PDE4B: variants seen among roughly 807,000 people sequenced by gnomAD.
The protein encoded by PDE4B is phosphodiesterase 4B.
In PDE4B, 20 loss-of-function variants were observed where a neutral mutation model predicts 82.2. The ratio of observed to expected loss-of-function variants is 0.24; its 90% CI spans 0.17 to 0.35. PDE4B has a LOEUF of 0.35. Ranked by LOEUF, PDE4B falls within the 10% of genes least tolerant of loss-of-function variation. PDE4B has a pLI of 1.00. For missense variants in PDE4B, 655 were observed against 907.2 expected (o/e 0.72, Z 3.57); for synonymous variants, 320 against 318.9 (o/e 1.00, Z -0.04).
chr1:66,356,743 C>G (rs1662279291), intron 9 of PDE4B, among the ~76,000 whole-genome samples: 1 of 152,222 alleles, frequency 6.6e-6, no homozygotes, highest in African/African-American at 2.4e-5. Flanking sequence ...CAGCCTCATA[C>G]AGAGCTTACT....
At chr1:66,275,983 C>T (rs918941703) in intron 7 of PDE4B, among the ~76,000 whole-genome samples, 1 of 152,106 alleles carries the variant, frequency 6.6e-6, no homozygotes, top group Non-Finnish European at 1.5e-5. Context: ...GGCGATTATC[C>T]AGCTTATTTG....
intron 3 of PDE4B, among the ~76,000 whole-genome samples, chr1:66,083,052 T>C (rs1656822223): frequency 6.6e-6 from 1 of 152,162 alleles, no homozygotes; most frequent in Non-Finnish European, 1.5e-5. Flanking sequence ...TTTGCAGTCT[T>C]CTGCCGCCTC....
chr1:66,276,581 G>A (rs558233548), intron 7 of PDE4B, among the ~76,000 whole-genome samples: 11 of 152,176 alleles, frequency 7.2e-5, no homozygotes, highest in Admixed American at 2.0e-4. Context: ...CCATTTTATT[G>A]TAAGTAGTAA....
In PDE4B at chr1:66,373,956, A is replaced by T. The variant is rs2050876593; in HGVS notation, c.*1278A>T. On this transcript the variant is annotated 3_prime_UTR_variant, in exon 17 of 17. Transcript: ENST00000341517. ...AAACAATATTCTCACATTAGATACTAAATGGTTTATACTGAGCTTTTACTT... is the reference window on the plus strand; with the variant it reads ...AAACAATATTCTCACATTAGATACTTAATGGTTTATACTGAGCTTTTACTT... 2 of 152,652 alleles carry T rather than the reference A, an allele frequency of 1.3e-5. No individual in the cohort carries two copies. Among genetic ancestry groups the T allele is most frequent in the Admixed American group, 1.3e-4 (2 of 15,282 alleles). The allele number at this position is 152,652 out of a possible 1,614,324, so 9.5% of individuals were successfully genotyped here.
At position 66,302,286 on chromosome 1, in the gene PDE4B, T is replaced by C. The variant is rs538213772; in HGVS notation, c.635-30222T>C. Among the ~76,000 whole-genome samples, 5 of 152,238 alleles carry C rather than the reference T, an allele frequency of 3.3e-5. No individual in the cohort carries two copies. The South Asian group carries it at 8.3e-4, about 25-fold the overall frequency. Reference sequence around the variant, plus strand: ...ACTCTTCCCTGCACTAATTTCCACATTTATAAAAAAGAACCACAGATGTGT... The same window carrying C: ...ACTCTTCCCTGCACTAATTTCCACACTTATAAAAAAGAACCACAGATGTGT... On this transcript the variant is annotated intron_variant, in intron 7 of 16. Coordinates refer to ENST00000341517, the MANE Select transcript of PDE4B (RefSeq NM_002600.4).
intron 3 of PDE4B, among the ~76,000 whole-genome samples, chr1:65,965,881 A>G (rs913088539): frequency 4.6e-5 from 7 of 152,190 alleles, no homozygotes; most frequent in African/African-American, 1.7e-4. Context: ...TAAACTACGT[A>G]TTGATGGAAC....
At chr1:65,935,974 A>AC (rs1648108365) in intron 3 of PDE4B, among the ~76,000 whole-genome samples, 1 of 152,126 alleles carries the variant, frequency 6.6e-6, no homozygotes, top group African/African-American at 2.4e-5. Flanking sequence ...AACAACAACA[A>AC]AAACACGTTG....
chr1:66,198,716 C>T (rs1470269902), intron 3 of PDE4B, among the ~76,000 whole-genome samples: 2 of 152,070 alleles, frequency 1.3e-5, no homozygotes, highest in South Asian at 2.1e-4. Context: ...CCCATTAACT[C>T]GTCATTTAGA....
intron 3 of PDE4B, among the ~76,000 whole-genome samples, chr1:66,096,661 C>T (rs916861786): frequency 4.1e-4 from 61 of 150,476 alleles, no homozygotes; most frequent in Non-Finnish European, 7.3e-4. Context: ...TACTTTTTTA[C>T]TTTTAAATAT....
At chr1:65,841,464 G>A (rs1207353982) in intron 1 of PDE4B, among the ~76,000 whole-genome samples, 2 of 152,034 alleles carry the variant, frequency 1.3e-5, no homozygotes, top group Admixed American at 6.6e-5. Context: ...GGAGTCTGGG[G>A]TAAGGTACCT....
intron 1 of PDE4B, among the ~76,000 whole-genome samples, chr1:65,816,164 T>A (rs368434863): frequency 6.6e-6 from 1 of 151,738 alleles, no homozygotes; most frequent in East Asian, 1.9e-4. Flanking sequence ...GTGATTCCTG[T>A]TTCTGTTTTT....
intron 3 of PDE4B, among the ~76,000 whole-genome samples, chr1:65,945,509 C>T (rs990569537): frequency 2.6e-5 from 4 of 151,888 alleles, no homozygotes; most frequent in Non-Finnish European, 5.9e-5. Context: ...TGAAAGGGTC[C>T]TTATGGAATC....
chr1:66,345,646 T>C (rs142539153), intron 8 of PDE4B, among the ~76,000 whole-genome samples: 1 of 152,314 alleles, frequency 6.6e-6, no homozygotes, highest in African/African-American at 2.4e-5. Context: ...AGAAACTTAA[T>C]CTAATTTGTC....
At chr1:65,801,979 C>T (rs1645698775) in intron 1 of PDE4B, among the ~76,000 whole-genome samples, 1 of 152,108 alleles carries the variant, frequency 6.6e-6, no homozygotes, top group African/African-American at 2.4e-5. Context: ...GTGCATATGA[C>T]AAGGAATCTA....
rs34591625 is a variant in PDE4B at position 66,293,977 on chromosome 1, G to T, written c.634+27890G>T. ...TCCCAGCACTTTGGGAGGCCAAGCT[G>T]GGCAAGTCCCCTGAAATCAGGAGTT... On this transcript the variant is annotated intron_variant, in intron 7 of 16. Transcript: ENST00000341517. 3.3e-3 allele frequency among the ~76,000 whole-genome samples: 495 copies of T among 152,262 alleles called. 2 individuals carry two copies. The highest frequency in any genetic ancestry group is 0.014 in the Middle Eastern group (4 of 292).
chr1:66,270,954 G>T (rs1157345078), intron 7 of PDE4B, among the ~76,000 whole-genome samples: 3 of 152,196 alleles, frequency 2.0e-5, no homozygotes, highest in Admixed American at 2.0e-4. Flanking sequence ...TAGCAAAAAT[G>T]CACCAGAAAA....
At position 66,051,087 on chromosome 1, in the gene PDE4B, A is replaced by T. The variant is rs150498503; in HGVS notation, c.281+132252A>T. ...TAAAAGTTAAATTTTCTTCTAAAGT[A>T]TAAGTATGTTTTTGCCTTTGGAACA... On this transcript the variant is annotated intron_variant, in intron 3 of 16. Coordinates refer to ENST00000341517, the MANE Select transcript of PDE4B (RefSeq NM_002600.4). Among the ~76,000 whole-genome samples, 593 of 152,272 alleles carry T rather than the reference A, an allele frequency of 3.9e-3. 3 individuals carry two copies. Among genetic ancestry groups the T allele is most frequent in the African/African-American group, 0.014 (569 of 41,568 alleles).
chr1:66,129,949 G>T (rs1368445887), intron 3 of PDE4B, among the ~76,000 whole-genome samples: 1 of 152,094 alleles, frequency 6.6e-6, no homozygotes, highest in African/African-American at 2.4e-5. Context: ...TAATTACCTT[G>T]CTAGGTTAAC....
chr1:66,334,514 G>A (rs1660361732), intron 8 of PDE4B, among the ~76,000 whole-genome samples: 2 of 152,182 alleles, frequency 1.3e-5, no homozygotes, highest in Non-Finnish European at 2.9e-5. Context: ...CCTTTATGGT[G>A]TTGTGTGCAG....
Sources: allele counts gnomAD v4.1 joint callset (sites outside exome capture counted in the v4.1 genomes callset), GRCh38; gene constraint gnomAD v4.1.1; transcripts MANE v1.5; gene names NCBI Gene and HGNC (gene_info 2026-07-23, HGNC 2026-07-21).